The following LOC400499 variants were observed in gnomAD, a reference collection of about 807,000 sequenced individuals.
the LOC400499 span, among the ~76,000 whole-genome samples, chr16:11,484,620 T>A: frequency 6.6e-6 from 1 of 151,850 alleles, no homozygotes; most frequent in African/African-American, 2.4e-5. Flanking sequence ...GTGACATGGG[T>A]GTATTGAGGT....
the LOC400499 span, among the ~76,000 whole-genome samples, chr16:11,501,451 G>C: frequency 6.6e-6 from 1 of 152,072 alleles, no homozygotes. Flanking sequence ...GCCACCTCCT[G>C]GGCTCAGGTG....
At chr16:11,452,501 G>C in the LOC400499 span, among the ~76,000 whole-genome samples, 2 of 152,190 alleles carry the variant, frequency 1.3e-5, no homozygotes, top group African/African-American at 4.8e-5. Context: ...CGAGGATCCT[G>C]CACACAGCTC....
At chr16:11,448,768 G>C in the LOC400499 span, 3 of 485,620 alleles carry the variant, frequency 6.2e-6, no homozygotes, top group Non-Finnish European at 3.5e-6. Context: ...GAAAAGGAAA[G>C]AGAAAGAGAA....
At chr16:11,462,037 G>A in the LOC400499 span, 2 of 1,246,566 alleles carry the variant, frequency 1.6e-6, no homozygotes, top group Non-Finnish European at 2.1e-6. Flanking sequence ...GCAGTGATGA[G>A]GACCATAAGG....
the LOC400499 span, chr16:11,384,325 C>G: frequency 8.9e-6 from 11 of 1,230,920 alleles, no homozygotes; most frequent in Non-Finnish European, 1.1e-5. Context: ...AGCGGATATG[C>G]CTGTGGGGAA....
At chr16:11,494,349 G>A in the LOC400499 span, among the ~76,000 whole-genome samples, 2 of 148,388 alleles carry the variant, frequency 1.3e-5, no homozygotes, top group African/African-American at 5.0e-5. Context: ...CAGTGGTGTT[G>A]GGGGGCAGTG....
the LOC400499 span, among the ~76,000 whole-genome samples, chr16:11,502,375 A>G: frequency 1.3e-5 from 2 of 152,166 alleles, no homozygotes; most frequent in African/African-American, 4.8e-5. Flanking sequence ...CCAAGCCCCT[A>G]CAAGCATACA....
the LOC400499 span, among the ~76,000 whole-genome samples, chr16:11,449,776 G>C: frequency 6.6e-6 from 1 of 152,198 alleles, no homozygotes; most frequent in Non-Finnish European, 1.5e-5. Context: ...CATCCCACCA[G>C]ATGCTTGGGC....
the LOC400499 span, among the ~76,000 whole-genome samples, chr16:11,420,402 C>T: frequency 2.3e-5 from 3 of 132,020 alleles, no homozygotes; most frequent in African/African-American, 8.8e-5. Context: ...AATGAGAACA[C>T]GTGGACACAG....
the LOC400499 span, chr16:11,446,883 C>A: frequency 2.6e-6 from 4 of 1,535,664 alleles, no homozygotes; most frequent in African/African-American, 4.1e-5. Flanking sequence ...GGAGGAGGCT[C>A]TGCGGGATGG....
the LOC400499 span, among the ~76,000 whole-genome samples, chr16:11,435,156 A>C: frequency 2.0e-5 from 3 of 150,864 alleles, no homozygotes; most frequent in Non-Finnish European, 3.0e-5. Context: ...TTTTTTAAAA[A>C]TTTTCTGTAC....
the LOC400499 span, among the ~76,000 whole-genome samples, chr16:11,481,290 A>T: frequency 3.2e-3 from 481 of 152,318 alleles, 5 homozygotes; most frequent in Non-Finnish European, 7.9e-4. Context: ...TGGTGGTGGC[A>T]CAACATGGTG....
chr16:11,462,118 T>C, the LOC400499 span: 2 of 1,496,584 alleles, frequency 1.3e-6, no homozygotes, highest in Admixed American at 2.2e-5. Flanking sequence ...ATCTCCTACC[T>C]GTCACGTTGG....
At chr16:11,414,757 T>C in the LOC400499 span, among the ~76,000 whole-genome samples, 1 of 152,212 alleles carries the variant, frequency 6.6e-6, no homozygotes, top group Non-Finnish European at 1.5e-5. Flanking sequence ...GAAGTTGAAG[T>C]TGCTGAAATG....
At chr16:11,401,802 G>A in the LOC400499 span, among the ~76,000 whole-genome samples, 1 of 152,260 alleles carries the variant, frequency 6.6e-6, no homozygotes, top group Non-Finnish European at 1.5e-5. Context: ...CTATCACGGG[G>A]TAAGCATTCA....
At chr16:11,463,468 G>A in the LOC400499 span, among the ~76,000 whole-genome samples, 2 of 149,726 alleles carry the variant, frequency 1.3e-5, no homozygotes, top group African/African-American at 2.4e-5. Flanking sequence ...GTATACAGAC[G>A]TGTATGTACA....
the LOC400499 span, among the ~76,000 whole-genome samples, chr16:11,424,503 C>T: frequency 1.3e-5 from 2 of 152,216 alleles, no homozygotes; most frequent in Admixed American, 1.3e-4. Flanking sequence ...TCCTACTGCA[C>T]CCAATACACC....
the LOC400499 span, chr16:11,387,073 T>C: frequency 1.2e-5 from 15 of 1,229,796 alleles, 1 homozygote; most frequent in East Asian, 1.3e-4. Context: ...CAGGGGGCTC[T>C]CAGGGAGGAG....
the LOC400499 span, among the ~76,000 whole-genome samples, chr16:11,378,292 C>G: frequency 2.9e-5 from 4 of 138,922 alleles, no homozygotes; most frequent in African/African-American, 1.1e-4. Flanking sequence ...GAGGTGGAGT[C>G]TAGCTGTGTC....
Sources: gnomAD v4.1 joint callset for allele counts (sites outside exome capture counted in the v4.1 genomes callset) on GRCh38, gnomAD v4.1.1 for gene constraint, MANE v1.5 for transcripts.